The following ZFP37 variants were observed in gnomAD, a reference collection of about 807,000 sequenced individuals.
The protein encoded by ZFP37 is ZFP37 zinc finger protein, also known as zinc finger protein 37 homolog.
Under a neutral mutation model 52.1 loss-of-function variants are expected in ZFP37, and 38 were observed. The ratio of observed to expected loss-of-function variants is 0.73; its 90% confidence interval spans 0.56 to 0.96. The LOEUF is 0.96. ZFP37 is among the 40% of genes least tolerant of loss of function. The pLI, the probability that ZFP37 is intolerant of heterozygous loss-of-function variation, is 0.00. For synonymous variants in ZFP37, 253 were observed against 259.5 expected, an observed-to-expected ratio of 0.98 and a Z score of 0.24; for missense variants, 695 against 741.4, an observed-to-expected ratio of 0.94 and a Z score of 0.73.
At chr9:113,049,113 T>C (rs1829010446) in intron 3 of ZFP37, among the ~76,000 whole-genome samples, 2 of 152,108 alleles carry the variant, frequency 1.3e-5, no homozygotes, top group Admixed American at 1.3e-4. Flanking sequence ...ATAACCAAAC[T>C]CCCGTAGTTA....
intron 3 of ZFP37, among the ~76,000 whole-genome samples, chr9:113,045,760 T>G (rs1354815897): frequency 6.6e-6 from 1 of 152,208 alleles, no homozygotes; most frequent in East Asian, 1.9e-4. Context: ...ATTTATAGAC[T>G]TCTGTTAGCT....
At chr9:113,050,665 G>T (rs1299930220) in intron 1 of ZFP37, among the ~76,000 whole-genome samples, 1 of 152,002 alleles carries the variant, frequency 6.6e-6, no homozygotes, top group Admixed American at 6.6e-5. Context: ...CCAGCAATTT[G>T]GGAGGCCAAG....
At position 113,044,127 on chromosome 9, in the gene ZFP37, T is replaced by C. The variant is rs1168754428; in HGVS notation, c.491A>G (p.His164Arg). The C allele has an allele frequency of 2.5e-6, 4 of 1,611,726 alleles. No homozygotes were observed. The highest frequency in any genetic ancestry group is 3.4e-6 in the Non-Finnish European group (4 of 1,179,486). Residue 164 changes from histidine (H) to arginine (R), a missense_variant, in exon 4 of 4, where the codon CAT becomes CGT. Physicochemically the swap from His to Arg is conservative, Grantham distance 29 (BLOSUM62 0). Around this residue, in one of 2 missense-constraint regions of ZFP37, gnomAD observed 369 missense variants for 340.9 expected, o/e 1.08. Coordinates refer to ENST00000374227, the MANE Select transcript of ZFP37 (RefSeq NM_003408.3). Reference protein sequence around the residue: ...CGSLGKKNNLHKKHVPSKKRL... With the variant: ...CGSLGKKNNLRKKHVPSKKRL... ...TTTCTTTGAAGGAACATGTTTTTTA[T>C]GCAAATTATTTTTTTTCCCCAGTGA...
In ZFP37 at chr9:113,041,508, G is replaced by A. The variant is rs986272861; in HGVS notation, c.*1217C>T. ...GTTCTTTGAATATGAGATAAAACAG[G>A]GTGATTATTCATAAAATCACTTTCA... On this transcript the variant is annotated 3_prime_UTR_variant, in exon 4 of 4. Transcript: ENST00000374227. 1 of 152,068 alleles carries A rather than the reference G, an allele frequency of 6.6e-6. No individual in the cohort carries two copies. The allele number at this position is 152,068 out of a possible 1,614,324, so 9.4% of individuals were successfully genotyped here.
intron 1 of ZFP37, 85 bp downstream of exon 1, chr9:113,056,472 C>A: frequency 6.4e-7 from 1 of 1,557,700 alleles, no homozygotes; most frequent in Non-Finnish European, 8.7e-7. Flanking sequence ...CCCAAATCAC[C>A]TATCGTCACA....
At chr9:113,050,796 C>T (rs1275377337) in intron 1 of ZFP37, among the ~76,000 whole-genome samples, 2 of 151,532 alleles carry the variant, frequency 1.3e-5, no homozygotes, top group Non-Finnish European at 2.9e-5. Flanking sequence ...ACTTGGGAGG[C>T]AGAGGGAGGA....
rs933468696 is a variant in ZFP37 at position 113,050,444 on chromosome 9, A to G, written c.133-572T>C. ...TATTCAAGAGGATAGAATCACGTGC[A>G]TATCGGAGAGAAAGACAAATAGCCA... On this transcript the variant is annotated intron_variant, in intron 1 of 3. Transcript: ENST00000374227. 2.7e-5 allele frequency among the ~76,000 whole-genome samples: 4 copies of G among 149,068 alleles called. 1 individual carries two copies. Among genetic ancestry groups the G allele is most frequent in the Non-Finnish European group, 4.4e-5 (3 of 67,614 alleles).
At chr9:113,049,225 T>C in intron 3 of ZFP37, 137 bp downstream of exon 3, 1 of 948,050 alleles carries the variant, frequency 1.1e-6, no homozygotes, top group Non-Finnish European at 1.5e-6. Context: ...AGAATCTTTG[T>C]AGTTTGAAAT....
At position 113,056,636 on chromosome 9, in the gene ZFP37, C is replaced by A; in HGVS notation, c.53G>T (p.Arg18Leu). Reference sequence around the variant, plus strand: ...TTTGGTCGTTTCCGCACTTCTCCTCCGGTCCACGGTCTCTGGCTTTGTCAG... The same window carrying A: ...TTTGGTCGTTTCCGCACTTCTCCTCAGGTCCACGGTCTCTGGCTTTGTCAG... ...QILTKPETVD[R>L]RRSAETTKEA... Residue 18 changes from arginine (R) to leucine (L), a missense_variant, in exon 1 of 4, where the codon CGG (arginine) becomes CTG (leucine). Around this residue, in one of 2 missense-constraint regions of ZFP37, gnomAD observed 369 missense variants for 340.9 expected, o/e 1.08. Coordinates refer to ENST00000374227, the MANE Select transcript of ZFP37 (RefSeq NM_003408.3). 6.2e-7 allele frequency: 1 copy of A among 1,613,968 alleles called. No homozygotes were observed. The highest frequency in any genetic ancestry group is 8.5e-7 in the Non-Finnish European group (1 of 1,179,980).
Position 113,056,518 on chromosome 9 carries a change from T to C in ZFP37, c.132+39A>G, listed in dbSNP as rs138689618. Reference sequence around the variant, plus strand: ...ATCACTGCCCCGCAAGTACACCATCTCTGACCGCCAAAACACCCTGTCTCA... The same window carrying C: ...ATCACTGCCCCGCAAGTACACCATCCCTGACCGCCAAAACACCCTGTCTCA... On this transcript the variant is annotated intron_variant, in intron 1 of 3. Coordinates refer to ENST00000374227, the MANE Select transcript of ZFP37 (RefSeq NM_003408.3). 8.3e-4 allele frequency: 1,330 copies of C among 1,607,470 alleles called. 9 individuals carry two copies. In the African/African-American group the frequency reaches 0.016, roughly 20 times the overall value.
Position 113,049,364 on chromosome 9 carries a change from C to T in ZFP37, c.347G>A (p.Gly116Glu), listed in dbSNP as rs1264014282. The change falls in exon 3 of 4, where the codon GGA becomes GAA. Residue 116 changes from glycine (G) to glutamate (E), a missense_variant and splice_region_variant. By Grantham distance (98) the Gly-to-Glu change is moderately conservative. This residue lies in a region of ZFP37 where 369 missense variants were observed against 340.9 expected (regional missense o/e 1.08). Transcript: ENST00000374227. ...IARPKQKETD[G>E]KVQKDDDQLE... Reference sequence around the variant, plus strand: ...AAAATTTCAAAGTTACAACTTACTTCCATCAGTTTCTTTTTGCTTGGGTCT... The same window carrying T: ...AAAATTTCAAAGTTACAACTTACTTTCATCAGTTTCTTTTTGCTTGGGTCT... 5.0e-6 allele frequency: 8 copies of T among 1,611,796 alleles called. No homozygotes were observed. In the Admixed American group the frequency reaches 6.7e-5, roughly 14 times the overall value.
In ZFP37 at chr9:113,040,085, T is replaced by A. The variant is rs1428486268; in HGVS notation, c.*2640A>T. The A allele has an allele frequency of 6.6e-6, 1 of 152,234 alleles. No individual in the cohort carries two copies. Among genetic ancestry groups the A allele is most frequent in the Non-Finnish European group, 1.5e-5 (1 of 68,036 alleles). The allele number at this position is 152,234 out of a possible 1,614,324, so 9.4% of individuals were successfully genotyped here. On this transcript the variant is annotated 3_prime_UTR_variant, in exon 4 of 4. Coordinates refer to ENST00000374227, the MANE Select transcript of ZFP37 (RefSeq NM_003408.3). ...ACGTATCGATTCAGACTTACCACTGTGTGTCTGTTTTCCTATACTAACCTC... is the reference window on the plus strand; with the variant it reads ...ACGTATCGATTCAGACTTACCACTGAGTGTCTGTTTTCCTATACTAACCTC...
At chr9:113,049,732 A>G in intron 2 of ZFP37, 59 bp downstream of exon 2, 4 of 1,581,472 alleles carry the variant, frequency 2.5e-6, no homozygotes, top group Non-Finnish European at 3.4e-6. Flanking sequence ...CTTATCAAGG[A>G]CTCCAGAGAG....
At chr9:113,051,195 G>GTTA (rs750281428) in intron 1 of ZFP37, among the ~76,000 whole-genome samples, 29 of 152,282 alleles carry the variant, frequency 1.9e-4, no homozygotes, top group Non-Finnish European at 4.0e-4. Context: ...ACTTGATAAT[G>GTTA]TGCTTGTACA....
chr9:113,049,626 T>A, intron 2 of ZFP37, 130 bp from the exon 3 acceptor site: 1 of 1,429,366 alleles, frequency 7.0e-7, no homozygotes, highest in Non-Finnish European at 9.4e-7. Context: ...CCAGGTCAGC[T>A]AAATAGACCT....
At chr9:113,044,548 C>G (rs1417593120) in intron 3 of ZFP37, among the ~76,000 whole-genome samples, 1 of 152,052 alleles carries the variant, frequency 6.6e-6, no homozygotes, top group Non-Finnish European at 1.5e-5. Context: ...GAGAAGTGAA[C>G]AGGGAATAGA....
intron 1 of ZFP37, among the ~76,000 whole-genome samples, 184 bp downstream of exon 1, chr9:113,056,373 A>G (rs576074277): frequency 6.6e-6 from 1 of 152,160 alleles, no homozygotes; most frequent in African/African-American, 2.4e-5. Flanking sequence ...CCCTCCTAAT[A>G]CTGATATCCT....
At position 113,052,418 on chromosome 9, in the gene ZFP37, G is replaced by T. The variant is rs1829073516; in HGVS notation, c.133-2546C>A. Among the ~76,000 whole-genome samples, 1 of 152,140 alleles carries T rather than the reference G, an allele frequency of 6.6e-6. No individual in the cohort carries two copies. The highest frequency in any genetic ancestry group is 2.4e-5 in the African/African-American group (1 of 41,416). ...TCAGCCATTAACCCTTCTGGGTCCG[G>T]TGATTTGCTAGGAGGACTCACATGA... On this transcript the variant is annotated intron_variant, in intron 1 of 3. Transcript: ENST00000374227. The surrounding 1 kb of genome is among the most constrained non-coding windows in gnomAD (Gnocchi z 4.1).
intron 3 of ZFP37, 67 bp downstream of exon 3, chr9:113,049,295 G>T (rs939377909): frequency 6.4e-7 from 1 of 1,554,986 alleles, no homozygotes; most frequent in East Asian, 2.2e-5. Context: ...AGAAAGAAAG[G>T]TCTAGGATCT....
Sources: gnomAD v4.1 joint callset for allele counts (sites outside exome capture counted in the v4.1 genomes callset) on GRCh38, gnomAD v4.1.1 for gene constraint, gnomAD v4.1.1 regional missense constraint, Gnocchi (gnomAD v3.1) non-coding constraint, MANE v1.5 for transcripts, NCBI Gene and HGNC (gene_info 2026-07-23, HGNC 2026-07-21) for gene names.